Variants in NCOA5 observed in about 807,000 individuals in gnomAD.
NCOA5 encodes the protein nuclear receptor coactivator 5.
NCOA5 carries 12 observed loss-of-function variants against 59.0 expected under a neutral mutation model. The observed-to-expected ratio is 0.20, with a 90% CI of 0.13 to 0.33. The LOEUF is 0.33. Among genes scored for constraint, NCOA5 ranks in the 10% least tolerant of loss-of-function variants. NCOA5 has a pLI of 1.00. For missense variants in NCOA5, 655 were observed against 766.6 expected (o/e 0.85, Z 1.72); for synonymous variants, 270 against 275.5 (o/e 0.98, Z 0.20).
At chr20:46,086,553 C>G (rs1031390069) in intron 1 of NCOA5, among the ~76,000 whole-genome samples, 5 of 152,134 alleles carry the variant, frequency 3.3e-5, no homozygotes, top group Non-Finnish European at 7.3e-5. Flanking sequence ...ATTAATGACT[C>G]TCATTAATGA....
At chr20:46,086,922 G>C (rs1389473375) in intron 1 of NCOA5, among the ~76,000 whole-genome samples, 2 of 152,146 alleles carry the variant, frequency 1.3e-5, no homozygotes, top group Non-Finnish European at 2.9e-5. Flanking sequence ...GAGAAGTTTT[G>C]GAGTAAGGAC....
At position 46,062,127 on chromosome 20, in the gene NCOA5, T is replaced by C. The variant is rs1187571511; in HGVS notation, c.*173A>G. ...AGCCCCAAATGCAGTATAAACTTTG[T>C]AAGGAATAAGCAACACAGCCTTGGG... On this transcript the variant is annotated 3_prime_UTR_variant, in exon 8 of 8. Transcript: ENST00000290231. The C allele has an allele frequency of 5.3e-6, 3 of 563,334 alleles. No homozygotes were observed. The African/African-American group carries it at 5.6e-5, about 11-fold the overall frequency. The allele number at this position is 563,334 out of a possible 1,614,324, so 34.9% of individuals were successfully genotyped here. A position where few individuals can be genotyped will look rare whatever the true frequency, so the allele number is the denominator to read the frequency against.
At chr20:46,083,893 C>G (rs1009472872) in intron 1 of NCOA5, among the ~76,000 whole-genome samples, 1 of 152,172 alleles carries the variant, frequency 6.6e-6, no homozygotes, top group African/African-American at 2.4e-5. Context: ...TATATTGTAA[C>G]AAGTCAGGGA....
intron 1 of NCOA5, among the ~76,000 whole-genome samples, chr20:46,087,148 C>T (rs966165620): frequency 6.6e-6 from 1 of 152,180 alleles, no homozygotes; most frequent in African/African-American, 2.4e-5. Context: ...ATATGCACTA[C>T]TGGCTGTATG....
chr20:46,063,102 G>A (rs555045578), intron 7 of NCOA5, among the ~76,000 whole-genome samples: 2 of 152,074 alleles, frequency 1.3e-5, no homozygotes, highest in African/African-American at 4.8e-5. Context: ...AAACAAAAGG[G>A]CATCCATCCT....
chr20:46,063,161 G>C (rs1161062493), intron 7 of NCOA5, among the ~76,000 whole-genome samples, 199 bp downstream of exon 7: 3 of 152,138 alleles, frequency 2.0e-5, no homozygotes, highest in African/African-American at 7.2e-5. Context: ...ATTAACTATA[G>C]GGATCAGCAT....
intron 5 of NCOA5, among the ~76,000 whole-genome samples, chr20:46,066,171 T>C (rs964363298): frequency 6.6e-6 from 1 of 152,190 alleles, no homozygotes. Flanking sequence ...ATTTACTTAG[T>C]ACCACCTAGG....
intron 3 of NCOA5, 107 bp from the exon 4 acceptor site, chr20:46,068,745 C>G (rs2084850786): frequency 9.6e-7 from 1 of 1,037,106 alleles, no homozygotes; most frequent in Middle Eastern, 2.5e-4. Context: ...ATCTGGGACT[C>G]ACTGCATTAT....
chr20:46,066,914 T>G, intron 5 of NCOA5, 141 bp downstream of exon 5: 2 of 991,246 alleles, frequency 2.0e-6, no homozygotes, highest in East Asian at 5.1e-5. Context: ...TTCTGTCACC[T>G]ATAACTGAAA....
chr20:46,074,512 G>A (rs1253045178), intron 2 of NCOA5, among the ~76,000 whole-genome samples: 1 of 152,214 alleles, frequency 6.6e-6, no homozygotes, highest in Non-Finnish European at 1.5e-5. Context: ...AAGGCAGGTG[G>A]CAAACACAAC....
In NCOA5 at chr20:46,062,589, G is replaced by A. The variant is rs1276772523; in HGVS notation, c.1451C>T (p.Pro484Leu). 6.2e-7 allele frequency: 1 copy of A among 1,614,230 alleles called. No homozygotes were observed. Among genetic ancestry groups the A allele is most frequent in the Non-Finnish European group, 8.5e-7 (1 of 1,180,032 alleles). Residue 484 changes from proline to leucine, a missense_variant, in exon 8 of 8, where the codon CCT (proline) becomes CTT (leucine). By Grantham distance (98) the Pro-to-Leu change is moderately conservative. Transcript: ENST00000290231. ...QQRSQASGNQPPSILGQGGSA... is the reference protein window; with the variant it reads ...QQRSQASGNQLPSILGQGGSA... ...TCCTCCCTGTCCCAAAATGCTTGGA[G>A]GCTGATTGCCAGAAGCCTGTGATCT...
In NCOA5 at chr20:46,063,426, T is replaced by C. The variant is rs1171723383; in HGVS notation, c.1084A>G (p.Lys362Glu). The change falls in exon 7 of 8, where the codon AAG (lysine) becomes GAG (glutamate). Residue 362 changes from lysine to glutamate, a missense_variant. This residue lies in a region of NCOA5 where 325 missense variants were observed against 353.2 expected (regional missense o/e 0.92). Transcript: ENST00000290231. ...CGCTCTCGCAGGTAGTTGATGATCTTGTCAGTCTCTTCAGCAGTGAGGTAC... is the reference window on the plus strand; with the variant it reads ...CGCTCTCGCAGGTAGTTGATGATCTCGTCAGTCTCTTCAGCAGTGAGGTAC... ...NRYLTAEETDKIINYLRERKE... is the reference protein window; with the variant it reads ...NRYLTAEETDEIINYLRERKE... The C allele has an allele frequency of 2.5e-6, 4 of 1,614,022 alleles. No homozygotes were observed. The highest frequency in any genetic ancestry group is 3.4e-6 in the Non-Finnish European group (4 of 1,180,038).
intron 7 of NCOA5, among the ~76,000 whole-genome samples, chr20:46,063,112 T>A (rs1314128447): frequency 6.6e-6 from 1 of 152,208 alleles, no homozygotes; most frequent in East Asian, 1.9e-4. Context: ...GCATCCATCC[T>A]GGCTACCACG....
chr20:46,083,973 A>T (rs2085020097), intron 1 of NCOA5, among the ~76,000 whole-genome samples: 1 of 152,154 alleles, frequency 6.6e-6, no homozygotes, highest in South Asian at 2.1e-4. Flanking sequence ...TACTTTCCCT[A>T]TATATTTGAT....
At chr20:46,083,115 A>G (rs1182426313) in intron 1 of NCOA5, among the ~76,000 whole-genome samples, 1 of 152,230 alleles carries the variant, frequency 6.6e-6, no homozygotes, top group Non-Finnish European at 1.5e-5. Context: ...ACTAGGAATA[A>G]CAAGAGCGGT....
chr20:46,063,031 G>A lies in NCOA5; in HGVS notation c.1151-142C>T, dbSNP rs1845297202. 8 of 752,112 alleles carry A rather than the reference G, an allele frequency of 1.1e-5. No individual in the cohort carries two copies. In the South Asian group the frequency reaches 1.1e-4, roughly 10 times the overall value. The allele number at this position is 752,112 out of a possible 1,614,324, so 46.6% of individuals were successfully genotyped here. On this transcript the variant is annotated intron_variant, in intron 7 of 7. Transcript: ENST00000290231. Reference sequence around the variant, plus strand: ...ATAACATCAATTTCCCAAAGAGGCCGCTTCATGATATGTGCTGTTTACAGA... The same window carrying A: ...ATAACATCAATTTCCCAAAGAGGCCACTTCATGATATGTGCTGTTTACAGA...
In NCOA5 at chr20:46,062,262, G is replaced by C; in HGVS notation, c.*38C>G. 6.5e-7 allele frequency: 1 copy of C among 1,529,240 alleles called. No homozygotes were observed. The highest frequency in any genetic ancestry group is 1.2e-5 in the South Asian group (1 of 85,912). The allele number at this position is 1,529,240 out of a possible 1,614,324, so 94.7% of individuals were successfully genotyped here. A position where few individuals can be genotyped will look rare whatever the true frequency, so the allele number is the denominator to read the frequency against. On this transcript the variant is annotated 3_prime_UTR_variant, in exon 8 of 8. Coordinates refer to ENST00000290231, the MANE Select transcript of NCOA5 (RefSeq NM_020967.3). ...AGAACAAGTAAGTGGGAGGAGGCCA[G>C]GGGATGAGGGGACTGGGGAGAGTTG...
At chr20:46,080,904 T>TAA (rs1261110583) in intron 1 of NCOA5, among the ~76,000 whole-genome samples, 2 of 152,116 alleles carry the variant, frequency 1.3e-5, no homozygotes, top group African/African-American at 2.4e-5. Context: ...TTACAACTCT[T>TAA]AAAGTTTATA....
chr20:46,077,004 C>T (rs2084944877), intron 2 of NCOA5, among the ~76,000 whole-genome samples: 1 of 152,150 alleles, frequency 6.6e-6, no homozygotes, highest in Admixed American at 6.5e-5. Flanking sequence ...CAGCCTCAAC[C>T]CCCTGCACTC....
Sources: gnomAD v4.1 joint callset for allele counts (sites outside exome capture counted in the v4.1 genomes callset) on GRCh38, gnomAD v4.1.1 for gene constraint, gnomAD v4.1.1 regional missense constraint, MANE v1.5 for transcripts, NCBI Gene and HGNC (gene_info 2026-07-23, HGNC 2026-07-21) for gene names.